The following MAGI2 variants were observed in gnomAD, a reference collection of about 807,000 sequenced individuals.
The protein encoded by MAGI2 is membrane-associated guanylate kinase, WW and PDZ domain-containing protein 2.
Under a neutral mutation model 133.3 loss-of-function variants are expected in MAGI2, and 35 were observed. The ratio of observed to expected loss-of-function variants is 0.26; its 90% CI spans 0.20 to 0.35. The LOEUF is 0.35. MAGI2 is among the 10% of genes least tolerant of loss of function. The probability of loss-of-function intolerance (pLI) is 1.00; values close to 1 mark genes in which losing one functional copy is unlikely to be tolerated. For synonymous variants in MAGI2, 729 were observed against 710.6 expected (o/e 1.03, Z -0.41); for missense variants, 1,636 against 1,863.4 (o/e 0.88, Z 2.25).
At chr7:78,317,976 A>G (rs1387621511) in intron 9 of MAGI2, among the ~76,000 whole-genome samples, 1 of 152,364 alleles carries the variant, frequency 6.6e-6, no homozygotes, top group East Asian at 1.9e-4. Flanking sequence ...GGTCACCAAC[A>G]TCAAAGACCA....
chr7:79,342,675 CT>C (rs1308125297), intron 1 of MAGI2, among the ~76,000 whole-genome samples: 1 of 152,124 alleles, frequency 6.6e-6, no homozygotes, highest in Non-Finnish European at 1.5e-5. Flanking sequence ...GTTTATTTTA[CT>C]TTTTCTTCAT....
intron 9 of MAGI2, among the ~76,000 whole-genome samples, chr7:78,280,885 C>T (rs1321116095): frequency 6.9e-6 from 1 of 144,166 alleles, no homozygotes; most frequent in Non-Finnish European, 1.5e-5. Flanking sequence ...AATTGAAAAG[C>T]ACAGCTCTGA....
chr7:78,659,457 A>C (rs1403160957), intron 2 of MAGI2, among the ~76,000 whole-genome samples: 4 of 150,682 alleles, frequency 2.7e-5, no homozygotes, highest in African/African-American at 9.7e-5. Context: ...AAAAAGCAAA[A>C]CAAAACAAAA....
chr7:79,224,864 T>C (rs1830713579), intron 1 of MAGI2, among the ~76,000 whole-genome samples: 1 of 152,168 alleles, frequency 6.6e-6, no homozygotes, highest in Non-Finnish European at 1.5e-5. Flanking sequence ...TAGGGGGTGA[T>C]GGAAATGTTC....
intron 2 of MAGI2, among the ~76,000 whole-genome samples, chr7:78,688,962 G>A (rs533920932): frequency 5.3e-5 from 8 of 152,172 alleles, no homozygotes; most frequent in Admixed American, 1.3e-4. Flanking sequence ...GTCCAGGAAA[G>A]TTAACATTAT....
chr7:79,292,209 G>A (rs1324899476), intron 1 of MAGI2, among the ~76,000 whole-genome samples: 1 of 152,120 alleles, frequency 6.6e-6, no homozygotes, highest in African/African-American at 2.4e-5. Flanking sequence ...TGCCATAAGT[G>A]TAGGTGTTTA....
chr7:78,373,911 G>C (rs1794185815), intron 6 of MAGI2, among the ~76,000 whole-genome samples: 1 of 152,100 alleles, frequency 6.6e-6, no homozygotes. Context: ...CATCCATGTT[G>C]CTGCAAAGGA....
intron 2 of MAGI2, among the ~76,000 whole-genome samples, chr7:78,969,351 C>T (rs1803593908): frequency 1.3e-5 from 2 of 152,056 alleles, no homozygotes; most frequent in Admixed American, 1.3e-4. Flanking sequence ...GTGGAAACCC[C>T]GCCTTGGGTA....
intron 6 of MAGI2, among the ~76,000 whole-genome samples, chr7:78,489,497 T>C (rs1793389879): frequency 6.6e-6 from 1 of 151,994 alleles, no homozygotes; most frequent in African/African-American, 2.4e-5. Flanking sequence ...TAGTAGGTGG[T>C]GGAAAGTCAG....
At chr7:78,299,495 T>C (rs1460619492) in intron 9 of MAGI2, among the ~76,000 whole-genome samples, 2 of 152,188 alleles carry the variant, frequency 1.3e-5, no homozygotes, top group African/African-American at 2.4e-5. Flanking sequence ...AGTATGATTA[T>C]GGCAATTACA....
Position 79,453,126 on chromosome 7 carries a change from C to T in MAGI2, c.195G>A (p.Leu65=). Residue 65 remains leucine (L), a synonymous_variant, in exon 1 of 22, where the codon CTG becomes CTA. Coordinates refer to ENST00000354212, the MANE Select transcript of MAGI2 (RefSeq NM_012301.4). ...ESGSKLVSEE[L]LLEVNETPVA... ...CGGGGGTCTCGTTCACCTCCAGCAG[C>T]AGCTCCTCCGACACCAATTTGCTGC... The T allele has an allele frequency of 6.2e-7, 1 of 1,613,988 alleles. No individual in the cohort carries two copies. The highest frequency in any genetic ancestry group is 8.5e-7 in the Non-Finnish European group (1 of 1,180,032).
intron 6 of MAGI2, chr7:78,485,289 G>C (rs1449362403): frequency 6.6e-6 from 1 of 151,962 alleles, no homozygotes; most frequent in Non-Finnish European, 1.5e-5. Context: ...TCCAGTAGTA[G>C]GTGGAGACAT....
intron 9 of MAGI2, among the ~76,000 whole-genome samples, chr7:78,295,371 A>C (rs1022843699): frequency 6.6e-6 from 1 of 152,144 alleles, no homozygotes; most frequent in African/African-American, 2.4e-5. Flanking sequence ...CTCTTAGACT[A>C]ACAGGAGAAT....
intron 1 of MAGI2, among the ~76,000 whole-genome samples, chr7:79,374,398 G>A (rs888449493): frequency 2.0e-5 from 3 of 151,526 alleles, no homozygotes; most frequent in African/African-American, 7.3e-5. Context: ...TACAAGTCAA[G>A]GAACACCTGA....
At chr7:78,433,815 T>A (rs1470775151) in intron 6 of MAGI2, among the ~76,000 whole-genome samples, 1 of 152,106 alleles carries the variant, frequency 6.6e-6, no homozygotes, top group Admixed American at 6.6e-5. Context: ...AGAATACGAT[T>A]TAGAGTCTAT....
At chr7:78,551,127 C>G (rs1195528563) in intron 3 of MAGI2, among the ~76,000 whole-genome samples, 1 of 152,174 alleles carries the variant, frequency 6.6e-6, no homozygotes, top group African/African-American at 2.4e-5. Flanking sequence ...ATTCCAGATT[C>G]ACTTTCTCAC....
At position 78,167,961 on chromosome 7, in the gene MAGI2, T is replaced by G; in HGVS notation, c.2551A>C (p.Asn851His). 6.2e-7 allele frequency: 1 copy of G among 1,614,040 alleles called. No homozygotes were observed. Among genetic ancestry groups the G allele is most frequent in the Non-Finnish European group, 8.5e-7 (1 of 1,179,988 alleles). The change falls in exon 15 of 22, where the codon AAT becomes CAT. Residue 851 changes from asparagine to histidine, a missense_variant. By Grantham distance (68) the Asn-to-His change is moderately conservative. Transcript: ENST00000354212. ...VIDLMHHAAR[N>H]GQVNLTVRRK... ...CTCACAGTGAGGTTGACCTGCCCATTGCGGGCTGCGTGGTGCATGAGGTCG... is the reference window on the plus strand; with the variant it reads ...CTCACAGTGAGGTTGACCTGCCCATGGCGGGCTGCGTGGTGCATGAGGTCG...
intron 6 of MAGI2, among the ~76,000 whole-genome samples, chr7:78,375,865 G>T (rs1794403755): frequency 6.6e-6 from 1 of 152,068 alleles, no homozygotes; most frequent in South Asian, 2.1e-4. Flanking sequence ...ATATAAGTGA[G>T]TTTAAAATAT....
intron 6 of MAGI2, among the ~76,000 whole-genome samples, chr7:78,480,312 G>A (rs1417513668): frequency 3.3e-5 from 5 of 151,584 alleles, no homozygotes; most frequent in East Asian, 3.9e-4. Context: ...AGAAGATGAA[G>A]GAATGCTTAT....
Sources: gnomAD v4.1 joint callset for allele counts (sites outside exome capture counted in the v4.1 genomes callset) on GRCh38, gnomAD v4.1.1 for gene constraint, MANE v1.5 for transcripts, NCBI Gene and HGNC (gene_info 2026-07-23, HGNC 2026-07-21) for gene names.